KCNQ1: variants seen among roughly 807,000 people sequenced by gnomAD.
The protein encoded by KCNQ1 is potassium voltage-gated channel subfamily KQT member 1.
In KCNQ1, 49 loss-of-function variants were observed where a neutral mutation model predicts 72.4. The observed-to-expected ratio is 0.68, with a 90% confidence interval of 0.54 to 0.86. The LOEUF (loss-of-function observed/expected upper bound fraction) is 0.86, where lower values mean the gene tolerates loss of function less well. Among genes scored for constraint, KCNQ1 ranks in the 40% least tolerant of loss-of-function variants. KCNQ1 has a pLI of 0.00. For synonymous variants in KCNQ1, 450 were observed against 412.6 expected (o/e 1.09, Z -1.10); for missense variants, 790 against 945.1 (o/e 0.84, Z 2.15).
intron 11 of KCNQ1, chr11:2,680,395 C>A (rs1725658515): frequency 1.0e-5 from 4 of 398,180 alleles, no homozygotes; most frequent in Non-Finnish European, 1.3e-5. Flanking sequence ...CAACATCCTT[C>A]CATATTTTTT....
rs1019197797 is a variant in KCNQ1, at chr11:2,449,666, G to A, written c.386+4182G>A. 8.5e-5 allele frequency among the ~76,000 whole-genome samples: 13 copies of A among 152,310 alleles called. No individual in the cohort carries two copies. In the South Asian group the frequency reaches 2.5e-3, roughly 29 times the overall value. ...TGTGCGGAGCTGAGTGCCTTTGGGG[G>A]CAGCTGAGATGGGCAGGAGCACCGT... On this transcript the variant is annotated intron_variant, in intron 1 of 15. Transcript: ENST00000155840.
intron 11 of KCNQ1, among the ~76,000 whole-genome samples, chr11:2,701,958 C>A (rs1850822826): frequency 6.6e-6 from 1 of 152,244 alleles, no homozygotes; most frequent in Non-Finnish European, 1.5e-5. Flanking sequence ...TGTGAGAAGA[C>A]AGGGTCAGGA....
intron 10 of KCNQ1, chr11:2,619,123 A>G (rs1564835433): frequency 1.5e-5 from 6 of 398,422 alleles, no homozygotes; most frequent in Non-Finnish European, 8.8e-6. Context: ...ATCTTCATAT[A>G]AAGATAATAT....
Position 2,645,880 on chromosome 11 carries a change from TC to T in KCNQ1, c.1394-16078del, listed in dbSNP as rs1346627889. ...AATTGCCTGAGGATTCAGGGTGATC[TC>T]CCTCTCTGGGAGCTGTTCATTGCCA... On this transcript the variant is annotated intron_variant, in intron 10 of 15. Coordinates refer to ENST00000155840, the MANE Select transcript of KCNQ1 (RefSeq NM_000218.3). The surrounding 1 kb of genome is among the most constrained non-coding windows in gnomAD (Gnocchi z 5.8). The T allele has an allele frequency of 1.0e-5, 4 of 398,504 alleles. No individual in the cohort carries two copies. Among genetic ancestry groups the T allele is most frequent in the African/African-American group, 6.2e-5 (3 of 48,600 alleles). 24.7% of individuals were successfully genotyped at this position (398,504 alleles called of 1,614,324 possible).
In KCNQ1 at chr11:2,725,805, G is replaced by C. The variant is rs1845750656; in HGVS notation, c.1515-43039G>C. On this transcript the variant is annotated intron_variant, in intron 11 of 15. Transcript: ENST00000155840. This position sits in a 1 kb window ranked among gnomAD's most constrained non-coding sequence, Gnocchi z 7.2. ...CACCCCCGCCCCCACCCAAAGCACA[G>C]GTCACCTGCCTGGTTAATCATCCTG... is the stretch of plus-strand genomic sequence containing the variant. Among the ~76,000 whole-genome samples, 1 of 134,018 alleles carries C rather than the reference G, an allele frequency of 7.5e-6. No homozygotes were observed. The highest frequency in any genetic ancestry group is 2.8e-5 in the African/African-American group (1 of 35,618). 87.9% of individuals were successfully genotyped at this position (134,018 alleles called of 152,430 possible).
Position 2,830,922 on chromosome 11 carries a change from C to A in KCNQ1, c.1795-16845C>A, listed in dbSNP as rs2134068175. On this transcript the variant is annotated intron_variant, in intron 15 of 15. Transcript: ENST00000155840. This position sits in a 1 kb window ranked among gnomAD's most constrained non-coding sequence, Gnocchi z 7.7. The stretch of plus-strand genomic sequence containing the variant: ...GCTGACCAGGGAGTCTTTGAAACCG[C>A]AAGGGTACCCTTGGGAGACCCCGTG... 6.6e-6 allele frequency among the ~76,000 whole-genome samples: 1 copy of A among 152,314 alleles called. No individual in the cohort carries two copies. Among genetic ancestry groups the A allele is most frequent in the African/African-American group, 2.4e-5 (1 of 41,566 alleles).
rs1176736432 is a variant in KCNQ1 at position 2,471,705 on chromosome 11, G to A, written c.386+26221G>A. 6.7e-6 allele frequency among the ~76,000 whole-genome samples: 1 copy of A among 149,846 alleles called. No individual in the cohort carries two copies. The highest frequency in any genetic ancestry group is 1.5e-5 in the Non-Finnish European group (1 of 67,566). ...GTGTATGGGTGTGCATGTGTGTATA[G>A]GTGTGTGTATGTGTGCATGGGCGTG... is the stretch of plus-strand genomic sequence containing the variant. On this transcript the variant is annotated intron_variant, in intron 1 of 15. Coordinates refer to ENST00000155840, the MANE Select transcript of KCNQ1 (RefSeq NM_000218.3). The surrounding 1 kb of genome is among the most constrained non-coding windows in gnomAD (Gnocchi z 4.8).
At chr11:2,561,718 CAG>C (rs1848169876) in intron 2 of KCNQ1, among the ~76,000 whole-genome samples, 1 of 152,244 alleles carries the variant, frequency 6.6e-6, no homozygotes, top group South Asian at 2.1e-4. Flanking sequence ...AAGGGGCTCT[CAG>C]GGGGCCTGGC....
intron 10 of KCNQ1, chr11:2,628,874 C>A: frequency 2.5e-6 from 1 of 398,184 alleles, no homozygotes; most frequent in Non-Finnish European, 4.4e-6. Flanking sequence ...AAGAGAGTAC[C>A]CTTTCCCCAT....
chr11:2,544,250 A>ATATATATGTGTATATATG lies in KCNQ1; in HGVS notation c.477+16239_477+16240insGTGTATATATGTATATAT, dbSNP rs756470944. On this transcript the variant is annotated intron_variant, in intron 2 of 15. Transcript: ENST00000155840. The surrounding 1 kb of genome is among the most constrained non-coding windows in gnomAD (Gnocchi z 4.4). ...CATATATATATATGTGTGTGTGTGT[A>ATATATATGTGTATATATG]TATATATATGTGTGTGTGTGTATAT... Among the ~76,000 whole-genome samples the ATATATATGTGTATATATG allele has an allele frequency of 0.069, 3,385 of 49,096 alleles. 189 individuals are homozygous for ATATATATGTGTATATATG. Among genetic ancestry groups the ATATATATGTGTATATATG allele is most frequent in the African/African-American group, 0.29 (3,057 of 10,422 alleles). 32.2% of individuals were successfully genotyped at this position (49,096 alleles called of 152,430 possible).
intron 1 of KCNQ1, among the ~76,000 whole-genome samples, chr11:2,489,965 C>G (rs1846807577): frequency 6.6e-6 from 1 of 152,128 alleles, no homozygotes; most frequent in Non-Finnish European, 1.5e-5. Context: ...CAAATGGGCT[C>G]TTGGGGTCCC....
At chr11:2,843,525 C>T (rs1384690639) in intron 15 of KCNQ1, among the ~76,000 whole-genome samples, 2 of 152,352 alleles carry the variant, frequency 1.3e-5, no homozygotes, top group East Asian at 3.9e-4. Flanking sequence ...GGAACTGCAG[C>T]CCAGGCAGAG....
chr11:2,661,764 T>A lies in KCNQ1; in HGVS notation c.1394-197T>A, dbSNP rs1214613939. The A allele has an allele frequency of 9.2e-6, 6 of 650,418 alleles. No homozygotes were observed. Among genetic ancestry groups the A allele is most frequent in the Non-Finnish European group, 1.7e-5 (6 of 362,806 alleles). The allele number at this position is 650,418 out of a possible 1,614,324, so 40.3% of individuals were successfully genotyped here. ...ACTGGCCTTTATTCTCCTCAGACAC[T>A]GAGGTGTCAGGCACTTTGGGGCCAT... On this transcript the variant is annotated intron_variant, in intron 10 of 15. Coordinates refer to ENST00000155840, the MANE Select transcript of KCNQ1 (RefSeq NM_000218.3). This position sits in a 1 kb window ranked among gnomAD's most constrained non-coding sequence, Gnocchi z 5.9.
In KCNQ1 at chr11:2,642,264, T is replaced by C. The variant is rs532259613; in HGVS notation, c.1394-19697T>C. On this transcript the variant is annotated intron_variant, in intron 10 of 15. Transcript: ENST00000155840. This position sits in a 1 kb window ranked among gnomAD's most constrained non-coding sequence, Gnocchi z 4.3. ...CCAATCCATGAGAATGGGATGTTTT[T>C]TGTGTGTTCTTTTCAATTTCTTTCA... 2.3e-5 allele frequency: 9 copies of C among 398,422 alleles called. No individual in the cohort carries two copies. The highest frequency in any genetic ancestry group is 1.8e-4 in the African/African-American group (9 of 48,754). The allele number at this position is 398,422 out of a possible 1,614,324, so 24.7% of individuals were successfully genotyped here.
intron 15 of KCNQ1, among the ~76,000 whole-genome samples, chr11:2,799,874 G>A (rs558685868): frequency 2.6e-5 from 4 of 152,126 alleles, no homozygotes; most frequent in Non-Finnish European, 4.4e-5. Context: ...GTGTGTTTTC[G>A]GTGCCTGCCC....
At position 2,538,368 on chromosome 11, in the gene KCNQ1, G is replaced by A. The variant is rs1847770315; in HGVS notation, c.477+10350G>A. ...GGCCCCACGGATGTTGTGTGGACGA[G>A]TTGGAGGGCTCACAGGCCCCTCTGT... On this transcript the variant is annotated intron_variant, in intron 2 of 15. Transcript: ENST00000155840. This position sits in a 1 kb window ranked among gnomAD's most constrained non-coding sequence, Gnocchi z 6.7. Among the ~76,000 whole-genome samples the A allele has an allele frequency of 1.3e-5, 2 of 151,908 alleles. No individual in the cohort carries two copies. Among genetic ancestry groups the A allele is most frequent in the Admixed American group, 6.6e-5 (1 of 15,260 alleles).
intron 10 of KCNQ1, chr11:2,614,037 C>T (rs980728627): frequency 2.5e-6 from 1 of 398,478 alleles, no homozygotes; most frequent in Non-Finnish European, 4.4e-6. Context: ...CTTAGTGTGA[C>T]TGTGCTATAA....
chr11:2,542,213 G>A (rs1847838383), intron 2 of KCNQ1, among the ~76,000 whole-genome samples: 1 of 152,228 alleles, frequency 6.6e-6, no homozygotes, highest in South Asian at 2.1e-4. Flanking sequence ...GGGCTGTGCC[G>A]AGGGTGTGGG....
intron 6 of KCNQ1, among the ~76,000 whole-genome samples, chr11:2,580,835 G>A (rs996937345): frequency 6.6e-6 from 1 of 152,230 alleles, no homozygotes; most frequent in African/African-American, 2.4e-5. Context: ...GTCCAGGCGG[G>A]GTGGGACTTG....
Sources: gnomAD v4.1 joint callset for allele counts (sites outside exome capture counted in the v4.1 genomes callset) on GRCh38, gnomAD v4.1.1 for gene constraint, Gnocchi (gnomAD v3.1) non-coding constraint, MANE v1.5 for transcripts, NCBI Gene and HGNC (gene_info 2026-07-23, HGNC 2026-07-21) for gene names.